Variants in SERINC5 observed in about 807,000 individuals in gnomAD.
SERINC5 encodes the protein serine incorporator 5.
SERINC5 carries 41 observed loss-of-function variants against 63.1 expected under a neutral mutation model. That is an observed-to-expected ratio of 0.65 (90% CI 0.51 to 0.84). SERINC5 has a LOEUF of 0.84. Ranked by LOEUF, SERINC5 falls within the 40% of genes least tolerant of loss-of-function variation. The pLI, the probability that SERINC5 is intolerant of heterozygous loss-of-function variation, is 0.00. For missense variants in SERINC5, 523 were observed against 573.0 expected (o/e 0.91, Z 0.89); for synonymous variants, 222 against 215.2 (o/e 1.03, Z -0.28).
At chr5:80,167,131 T>C (rs1747351156) in intron 6 of SERINC5, 1 of 152,328 alleles carries the variant, frequency 6.6e-6, no homozygotes, top group African/African-American at 2.4e-5. Flanking sequence ...AGGTTTGTTG[T>C]AAGGGGAAAA....
chr5:80,135,282 C>T (rs1010157287), downstream of SERINC5, among the ~76,000 whole-genome samples: 3 of 152,168 alleles, frequency 2.0e-5, no homozygotes, highest in Non-Finnish European at 2.9e-5. Flanking sequence ...GATCCTCCCG[C>T]GTCAGCCTCC....
At chr5:80,130,781 A>C (rs1744916149) in intron 11 of SERINC5, among the ~76,000 whole-genome samples, 1 of 152,108 alleles carries the variant, frequency 6.6e-6, no homozygotes, top group African/African-American at 2.4e-5. Flanking sequence ...CCATTTGTTC[A>C]TTTATTCATT....
intron 2 of SERINC5, among the ~76,000 whole-genome samples, chr5:80,201,403 A>G (rs1457517660): frequency 6.6e-6 from 1 of 152,216 alleles, no homozygotes; most frequent in African/African-American, 2.4e-5. Context: ...TCTTCCTGGC[A>G]AACTGCGCCC....
At chr5:80,181,108 G>A (rs1748387597) in intron 2 of SERINC5, among the ~76,000 whole-genome samples, 1 of 152,182 alleles carries the variant, frequency 6.6e-6, no homozygotes, top group Admixed American at 6.5e-5. Flanking sequence ...TATCTACTGG[G>A]CAGGGGGGCA....
At chr5:80,215,250 G>T (rs776240425) in intron 1 of SERINC5, among the ~76,000 whole-genome samples, 1 of 152,114 alleles carries the variant, frequency 6.6e-6, no homozygotes, top group Non-Finnish European at 1.5e-5. Flanking sequence ...CTGGTCATCT[G>T]AAGTGTGGGA....
At chr5:80,179,327 G>C (rs1378743073) in intron 2 of SERINC5, among the ~76,000 whole-genome samples, 1 of 152,076 alleles carries the variant, frequency 6.6e-6, no homozygotes, top group Non-Finnish European at 1.5e-5. Context: ...TAAACAATAA[G>C]CCATGAAGAG....
rs149776825 is a variant in SERINC5 at position 80,189,565 on chromosome 5, T to C, written c.196-11501A>G. Among the ~76,000 whole-genome samples the C allele has an allele frequency of 4.8e-3, 730 of 152,340 alleles. 5 individuals are homozygous for C. The highest frequency in any genetic ancestry group is 8.2e-3 in the Non-Finnish European group (561 of 68,028). ...GCTGCCCTGAGGTGAACACGGCTGA[T>C]GGAAAGATATCTCTTGAACATAGAA... On this transcript the variant is annotated intron_variant, in intron 2 of 11. Coordinates refer to ENST00000507668, the MANE Select transcript of SERINC5 (RefSeq NM_001174072.3).
At chr5:80,177,837 T>C in intron 3 of SERINC5, 49 bp downstream of exon 3, 1 of 1,450,376 alleles carries the variant, frequency 6.9e-7, no homozygotes, top group Non-Finnish European at 9.4e-7. Context: ...ACTACTGTCC[T>C]GAACATAAGA....
At chr5:80,161,622 G>C (rs1746930383) in intron 7 of SERINC5, among the ~76,000 whole-genome samples, 1 of 152,154 alleles carries the variant, frequency 6.6e-6, no homozygotes, top group African/African-American at 2.4e-5. Flanking sequence ...ATAAGACACA[G>C]TTTGCAAATA....
Position 80,146,170 on chromosome 5 carries a change from G to T in SERINC5, c.1158C>A (p.Thr386=), listed in dbSNP as rs763160251. The T allele has an allele frequency of 3.1e-6, 5 of 1,613,822 alleles. No individual in the cohort carries two copies. In the Admixed American group the frequency reaches 8.3e-5, roughly 27 times the overall value. The part of the protein sequence containing the change: ...PRVIYDEKKG[T]VYIYSYFHFV... ...AGTGGAAGTAGGAGTAGATGTAGAC[G>T]GTGCCTTTCTTCTCGTCATAAATGA... is the stretch of plus-strand genomic sequence containing the variant. The change falls in exon 11 of 12, where the codon ACC becomes ACA. Residue 386 remains threonine, a synonymous_variant. Transcript: ENST00000507668.
In SERINC5 at chr5:80,154,206, T is replaced by A. The variant is rs1746371225; in HGVS notation, c.987-3258A>T. Reference sequence around the variant, plus strand: ...TTCCTTTTTTTTTCTGGAGATGGAGTTTCACTCTTTTTGCCCAGGCTGTAG... The same window carrying A: ...TTCCTTTTTTTTTCTGGAGATGGAGATTCACTCTTTTTGCCCAGGCTGTAG... On this transcript the variant is annotated intron_variant, in intron 8 of 11. Coordinates refer to ENST00000507668, the MANE Select transcript of SERINC5 (RefSeq NM_001174072.3). 2.7e-5 allele frequency among the ~76,000 whole-genome samples: 4 copies of A among 150,700 alleles called. No individual in the cohort carries two copies. The South Asian group carries it at 8.4e-4, about 32-fold the overall frequency.
At chr5:80,130,935 A>G (rs1044820276) in intron 11 of SERINC5, among the ~76,000 whole-genome samples, 2 of 152,250 alleles carry the variant, frequency 1.3e-5, no homozygotes, top group African/African-American at 4.8e-5. Flanking sequence ...AAATGTATAT[A>G]GTTGGCTGGA....
At chr5:80,251,290 G>GCATACATACATACATACATACATACATA (rs201874043) in intron 1 of SERINC5, among the ~76,000 whole-genome samples, 1 of 98,566 alleles carries the variant, frequency 1.0e-5, no homozygotes, top group Non-Finnish European at 1.9e-5. Flanking sequence ...ATACATACAT[G>GCATACATACATACATACATACATACATA]CATACATACA....
chr5:80,189,151 T>C (rs1251405018), intron 2 of SERINC5, among the ~76,000 whole-genome samples: 2 of 152,116 alleles, frequency 1.3e-5, no homozygotes, highest in East Asian at 3.8e-4. Context: ...AGTTAGTACA[T>C]TTAAAATTTG....
intron 5 of SERINC5, among the ~76,000 whole-genome samples, chr5:80,173,267 AAGGAAGG>A (rs1747789920): frequency 6.7e-6 from 1 of 149,188 alleles, no homozygotes; most frequent in African/African-American, 2.6e-5. Flanking sequence ...GGAAGGAAGG[AAGGAAGG>A]AAGGAAGAAA....
At chr5:80,175,884 AAG>A (rs537614753) in intron 4 of SERINC5, among the ~76,000 whole-genome samples, 13,849 of 113,754 alleles carry the variant, frequency 0.12, 1,493 homozygotes, top group East Asian at 0.29. Context: ...AAAAAAAAAA[AAG>A]GACTGAGCTT....
intron 2 of SERINC5, among the ~76,000 whole-genome samples, chr5:80,187,573 G>T (rs1748890770): frequency 6.6e-6 from 1 of 152,184 alleles, no homozygotes. Flanking sequence ...TCATTTCTCA[G>T]TAAGTGATTG....
chr5:80,243,536 A>T (rs1752038348), intron 1 of SERINC5, among the ~76,000 whole-genome samples: 1 of 152,024 alleles, frequency 6.6e-6, no homozygotes, highest in African/African-American at 2.4e-5. Flanking sequence ...TCTAAGCTTC[A>T]GATGGGTCAT....
chr5:80,240,739 A>G (rs942159261), intron 1 of SERINC5, among the ~76,000 whole-genome samples: 1 of 152,178 alleles, frequency 6.6e-6, no homozygotes, highest in Non-Finnish European at 1.5e-5. Context: ...ATCATGGCTC[A>G]CTGCAGTCTC....
Sources: gnomAD v4.1 joint callset for allele counts (sites outside exome capture counted in the v4.1 genomes callset) on GRCh38, gnomAD v4.1.1 for gene constraint, MANE v1.5 for transcripts, NCBI Gene and HGNC (gene_info 2026-07-23, HGNC 2026-07-21) for gene names.